The following PTPRD variants were observed in gnomAD, a reference collection of about 807,000 sequenced individuals.
PTPRD encodes the protein receptor-type tyrosine-protein phosphatase delta.
PTPRD carries 34 observed loss-of-function variants against 214.5 expected under a neutral mutation model. The observed-to-expected ratio is 0.16, with a 90% CI of 0.12 to 0.21. PTPRD has a LOEUF of 0.21. PTPRD is among the 10% of genes least tolerant of loss of function. The probability of loss-of-function intolerance (pLI) is 1.00; values close to 1 mark genes in which losing one functional copy is unlikely to be tolerated. For synonymous variants in PTPRD, 1,128 were observed against 845.7 expected (o/e 1.33, Z -5.79); for missense variants, 2,545 against 2,398.7 (o/e 1.06, Z -1.27).
chr9:9,711,898 A>G (rs1215145345), intron 7 of PTPRD, among the ~76,000 whole-genome samples: 2 of 152,172 alleles, frequency 1.3e-5, no homozygotes, highest in Non-Finnish European at 2.9e-5. Context: ...CTAAACCACT[A>G]CATCTAACTA....
chr9:8,761,546 T>A (rs138465672), intron 11 of PTPRD, among the ~76,000 whole-genome samples: 2 of 152,162 alleles, frequency 1.3e-5, no homozygotes, highest in Non-Finnish European at 2.9e-5. Context: ...AACCCAGGGT[T>A]GCAGCACAGA....
At chr9:9,942,568 A>C (rs2091759086) in intron 4 of PTPRD, among the ~76,000 whole-genome samples, 1 of 152,128 alleles carries the variant, frequency 6.6e-6, no homozygotes, top group South Asian at 2.1e-4. Flanking sequence ...ATAGTGCCCA[A>C]TTTCCTTCCT....
chr9:10,552,902 A>G (rs1686363459), intron 2 of PTPRD, among the ~76,000 whole-genome samples: 1 of 152,208 alleles, frequency 6.6e-6, no homozygotes, highest in African/African-American at 2.4e-5. Context: ...TGACTCTCCC[A>G]ATAGATACAA....
chr9:8,329,285 G>A lies in PTPRD; in HGVS notation c.5534+2297C>T, dbSNP rs1398906536. Among the ~76,000 whole-genome samples the A allele has an allele frequency of 5.9e-5, 9 of 152,208 alleles. No individual in the cohort carries two copies. The East Asian group carries it at 1.5e-3, about 26-fold the overall frequency. ...TTCTAACAAACACCCAGGCCTCTCT[G>A]CTGTAGGTTTGCTGGAGGTCTATTC... is the stretch of plus-strand genomic sequence containing the variant. On this transcript the variant is annotated intron_variant, in intron 44 of 45. Coordinates refer to ENST00000381196, the MANE Select transcript of PTPRD (RefSeq NM_002839.4).
intron 11 of PTPRD, among the ~76,000 whole-genome samples, chr9:8,919,853 GCATA>G (rs2098813652): frequency 6.6e-6 from 1 of 150,988 alleles, no homozygotes; most frequent in Admixed American, 6.6e-5. Context: ...CATGTATCAT[GCATA>G]CATAGATGTA....
chr9:10,560,983 A>C (rs1342717365), intron 2 of PTPRD, among the ~76,000 whole-genome samples: 1 of 152,182 alleles, frequency 6.6e-6, no homozygotes, highest in Non-Finnish European at 1.5e-5. Flanking sequence ...GGTGGGGAGA[A>C]ATTCTGTTCG....
At chr9:8,426,564 G>C (rs950114775) in intron 35 of PTPRD, among the ~76,000 whole-genome samples, 1 of 152,156 alleles carries the variant, frequency 6.6e-6, no homozygotes, top group Non-Finnish European at 1.5e-5. Flanking sequence ...CAGGTGAAAA[G>C]ACATTTTGGA....
At chr9:8,718,733 T>A (rs1474800572) in intron 12 of PTPRD, among the ~76,000 whole-genome samples, 1 of 152,302 alleles carries the variant, frequency 6.6e-6, no homozygotes, top group African/African-American at 2.4e-5. Context: ...TGCCTCCTAT[T>A]TACTGCCAGG....
At chr9:9,896,850 A>C (rs1196134056) in intron 5 of PTPRD, among the ~76,000 whole-genome samples, 1 of 152,098 alleles carries the variant, frequency 6.6e-6, no homozygotes, top group Non-Finnish European at 1.5e-5. Context: ...ACTTTAAATA[A>C]CATATTAGAA....
At chr9:8,559,024 A>G (rs1259659017) in intron 14 of PTPRD, among the ~76,000 whole-genome samples, 1 of 117,650 alleles carries the variant, frequency 8.5e-6, no homozygotes, top group Non-Finnish European at 1.5e-5. Flanking sequence ...CTACATTTAC[A>G]TAGTCTAATA....
chr9:9,126,665 T>C (rs2099834415), intron 10 of PTPRD, among the ~76,000 whole-genome samples: 1 of 152,156 alleles, frequency 6.6e-6, no homozygotes, highest in Admixed American at 6.5e-5. Context: ...TGAGTGATGG[T>C]AGTTGTAGTG....
chr9:9,471,747 T>C (rs2094601381), intron 8 of PTPRD, among the ~76,000 whole-genome samples: 1 of 148,822 alleles, frequency 6.7e-6, no homozygotes, highest in African/African-American at 2.5e-5. Context: ...CACAAACTTT[T>C]AGGCTAATTA....
intron 10 of PTPRD, among the ~76,000 whole-genome samples, chr9:9,148,483 T>C (rs2099872392): frequency 6.6e-6 from 1 of 152,202 alleles, no homozygotes; most frequent in Non-Finnish European, 1.5e-5. Flanking sequence ...CTAATCCTGA[T>C]ATCCTGTCAT....
chr9:10,136,467 A>C (rs1592084645), intron 3 of PTPRD, among the ~76,000 whole-genome samples: 1 of 152,158 alleles, frequency 6.6e-6, no homozygotes, highest in East Asian at 1.9e-4. Context: ...CTCTAAGATC[A>C]GTCACAGGCT....
At chr9:10,533,912 T>C (rs1250474146) in intron 2 of PTPRD, among the ~76,000 whole-genome samples, 1 of 151,596 alleles carries the variant, frequency 6.6e-6, no homozygotes, top group African/African-American at 2.4e-5. Flanking sequence ...TATTAGGAAG[T>C]TTTTTTTAAT....
chr9:9,488,646 C>A (rs531609066), intron 8 of PTPRD, among the ~76,000 whole-genome samples: 6 of 152,202 alleles, frequency 3.9e-5, no homozygotes, highest in Non-Finnish European at 8.8e-5. Context: ...AGGAATTTGT[C>A]TCCCCACTTA....
intron 7 of PTPRD, among the ~76,000 whole-genome samples, chr9:9,617,854 C>T (rs913989380): frequency 1.2e-4 from 18 of 151,330 alleles, no homozygotes; most frequent in Admixed American, 5.9e-4. Flanking sequence ...GGGCAGATCA[C>T]GAGGTCAGGA....
chr9:8,722,373 A>G (rs538952687), intron 12 of PTPRD, among the ~76,000 whole-genome samples: 37 of 152,288 alleles, frequency 2.4e-4, no homozygotes, highest in Middle Eastern at 3.4e-3. Flanking sequence ...TCTGGTTACT[A>G]ACACCATGTA....
intron 6 of PTPRD, among the ~76,000 whole-genome samples, chr9:9,746,440 A>G (rs952233321): frequency 2.6e-5 from 4 of 152,198 alleles, no homozygotes; most frequent in Admixed American, 1.3e-4. Context: ...AATTAGCACA[A>G]TGAGGAACCA....
Sources: gnomAD v4.1 joint callset for allele counts (sites outside exome capture counted in the v4.1 genomes callset) on GRCh38, gnomAD v4.1.1 for gene constraint, MANE v1.5 for transcripts, NCBI Gene and HGNC (gene_info 2026-07-23, HGNC 2026-07-21) for gene names.